The following USH2A variants were observed in gnomAD, a reference collection of about 807,000 sequenced individuals.
USH2A encodes the protein Usher syndrome 2A (autosomal recessive, mild).
Under a neutral mutation model 538.9 loss-of-function variants are expected in USH2A, and 443 were observed. The ratio of observed to expected loss-of-function variants is 0.82; its 90% confidence interval spans 0.76 to 0.89. The LOEUF is 0.89. Ranked by LOEUF, USH2A falls within the 40% of genes least tolerant of loss-of-function variation. The probability of loss-of-function intolerance (pLI) is 0.00; values close to 1 mark genes in which losing one functional copy is unlikely to be tolerated. For synonymous variants in USH2A, 2,413 were observed against 2,273.5 expected (o/e 1.06, Z -1.75); for missense variants, 6,633 against 6,324.8 (o/e 1.05, Z -1.65).
chr1:216,233,044 C>T (rs2035732801), intron 13 of USH2A, among the ~76,000 whole-genome samples: 1 of 152,156 alleles, frequency 6.6e-6, no homozygotes, highest in South Asian at 2.1e-4. Context: ...CCAATCTATT[C>T]TTCGTAGCAG....
At chr1:216,403,073 A>G (rs1227986030) in intron 3 of USH2A, among the ~76,000 whole-genome samples, 1 of 152,204 alleles carries the variant, frequency 6.6e-6, no homozygotes, top group Non-Finnish European at 1.5e-5. Context: ...TACATATACT[A>G]TAATTGTATA....
chr1:215,703,615 G>A (rs1466200736), intron 61 of USH2A, among the ~76,000 whole-genome samples: 2 of 152,170 alleles, frequency 1.3e-5, no homozygotes, highest in Non-Finnish European at 2.9e-5. Flanking sequence ...CACACTGTGA[G>A]GGGAAAACCA....
At chr1:215,959,083 C>T (rs929885318) in intron 37 of USH2A, among the ~76,000 whole-genome samples, 19 of 152,108 alleles carry the variant, frequency 1.2e-4, no homozygotes, top group Non-Finnish European at 2.5e-4. Flanking sequence ...CTCCAAATTA[C>T]TCTGCTCTTG....
chr1:216,234,372 T>A (rs1198293189), intron 13 of USH2A, among the ~76,000 whole-genome samples: 1 of 152,168 alleles, frequency 6.6e-6, no homozygotes, highest in Non-Finnish European at 1.5e-5. Context: ...ATTTTTATCA[T>A]AATTTACAGC....
intron 3 of USH2A, among the ~76,000 whole-genome samples, chr1:216,376,395 G>A (rs1034562678): frequency 2.0e-5 from 3 of 151,930 alleles, no homozygotes; most frequent in Non-Finnish European, 2.9e-5. Context: ...TAGTGAATAA[G>A]TTGTGGGAAA....
chr1:215,757,390 T>C (rs1199308076), intron 58 of USH2A, among the ~76,000 whole-genome samples: 3 of 152,196 alleles, frequency 2.0e-5, no homozygotes, highest in Non-Finnish European at 2.9e-5. Context: ...TATACAATAG[T>C]ACCTGTTTTG....
intron 38 of USH2A, among the ~76,000 whole-genome samples, chr1:215,920,532 C>T (rs927972178): frequency 2.0e-5 from 3 of 152,024 alleles, no homozygotes; most frequent in African/African-American, 7.2e-5. Context: ...GCCAGCTAAT[C>T]TCAGTGCACA....
intron 64 of USH2A, among the ~76,000 whole-genome samples, chr1:215,666,028 G>T (rs1048416786): frequency 2.0e-5 from 3 of 152,214 alleles, no homozygotes; most frequent in Non-Finnish European, 4.4e-5. Context: ...ACCCATTCTT[G>T]TGGAAAACAA....
At chr1:216,180,169 T>C (rs1233486996) in intron 20 of USH2A, among the ~76,000 whole-genome samples, 1 of 152,122 alleles carries the variant, frequency 6.6e-6, no homozygotes, top group Non-Finnish European at 1.5e-5. Flanking sequence ...ACAATTCATC[T>C]ATATTCAAAA....
At position 215,796,417 on chromosome 1, in the gene USH2A, A is replaced by G. The variant is rs867280858; in HGVS notation, c.9958+2490T>C. 1.4e-4 allele frequency among the ~76,000 whole-genome samples: 21 copies of G among 151,390 alleles called. No homozygotes were observed. In the Middle Eastern group the frequency reaches 0.014, roughly 100 times the overall value. ...TTTTCATTATTATTATATTTGTTAT[A>G]TTTTTATATTTTTAATTTTTATATT... On this transcript the variant is annotated intron_variant, in intron 50 of 71. Coordinates refer to ENST00000307340, the MANE Select transcript of USH2A (RefSeq NM_206933.4).
At position 216,422,446 on chromosome 1, in the gene USH2A, T is replaced by C; in HGVS notation, c.-110A>G. On this transcript the variant is annotated 5_prime_UTR_variant, in exon 2 of 72. Coordinates refer to ENST00000307340, the MANE Select transcript of USH2A (RefSeq NM_206933.4). ...CAGGGTACTTTAAGTGATGTTGCGA[T>C]ACTCCATTTTCTGGAAACTGCAGAC... is the stretch of plus-strand genomic sequence containing the variant. 4.0e-6 allele frequency: 6 copies of C among 1,510,342 alleles called. No homozygotes were observed. The highest frequency in any genetic ancestry group is 5.4e-6 in the Non-Finnish European group (6 of 1,106,200). 93.6% of individuals were successfully genotyped at this position (1,510,342 alleles called of 1,614,324 possible).
intron 61 of USH2A, among the ~76,000 whole-genome samples, chr1:215,718,245 G>A (rs1052681043): frequency 6.6e-6 from 1 of 152,182 alleles, no homozygotes; most frequent in Non-Finnish European, 1.5e-5. Flanking sequence ...GGATTAAAAA[G>A]CAAATGTCTC....
At chr1:216,316,196 T>TA (rs1000877093) in intron 9 of USH2A, among the ~76,000 whole-genome samples, 6 of 151,266 alleles carry the variant, frequency 4.0e-5, no homozygotes, top group South Asian at 2.1e-4. Flanking sequence ...AAAATGTAAT[T>TA]AAAAAAAAAG....
chr1:216,048,863 T>G, intron 30 of USH2A, among the ~76,000 whole-genome samples: 1 of 152,202 alleles, frequency 6.6e-6, no homozygotes, highest in Non-Finnish European at 1.5e-5. Context: ...TGAGACCAAC[T>G]TATTGTTAAA....
At chr1:216,102,741 A>G (rs1169897569) in intron 21 of USH2A, among the ~76,000 whole-genome samples, 1 of 152,196 alleles carries the variant, frequency 6.6e-6, no homozygotes, top group Non-Finnish European at 1.5e-5. Flanking sequence ...CGGAGCTTGC[A>G]GTGAGTGGAG....
chr1:215,877,683 C>A (rs1483403525), intron 43 of USH2A, 75 bp downstream of exon 43: 1 of 1,601,760 alleles, frequency 6.2e-7, no homozygotes, highest in African/African-American at 1.3e-5. Context: ...AATGAAGACA[C>A]TGAGATACTT....
At chr1:216,152,448 C>G (rs1012684460) in intron 21 of USH2A, among the ~76,000 whole-genome samples, 36 of 151,074 alleles carry the variant, frequency 2.4e-4, no homozygotes, top group Middle Eastern at 3.4e-3. Context: ...CCACTGAGCA[C>G]CTTGCGACCC....
intron 21 of USH2A, among the ~76,000 whole-genome samples, chr1:216,114,143 AATTGAT>A (rs2032944677): frequency 1.3e-5 from 2 of 151,872 alleles, no homozygotes; most frequent in Admixed American, 6.6e-5. Context: ...TTATATATTT[AATTGAT>A]ATTAAGAATC....
Position 215,888,481 on chromosome 1 carries a change from C to G in USH2A, c.8168G>C (p.Arg2723Pro), listed in dbSNP as rs267598376. The change falls in exon 41 of 72, where the codon CGA becomes CCA. Residue 2723 changes from arginine (R) to proline (P), a missense_variant. Physicochemically the swap from Arg to Pro is moderately radical, Grantham distance 103 (BLOSUM62 -2). Coordinates refer to ENST00000307340, the MANE Select transcript of USH2A (RefSeq NM_206933.4). ...AWVEVTTRPS[R>P]PAGVQPPVVT... ...CACAGGTGGCTGCACCCCAGCAGGT[C>G]GTGAGGGTCTTGTGGTAACTTCTAC... 6.2e-7 allele frequency: 1 copy of G among 1,613,938 alleles called. No homozygotes were observed. The highest frequency in any genetic ancestry group is 8.5e-7 in the Non-Finnish European group (1 of 1,180,014).
Sources: allele counts gnomAD v4.1 joint callset (sites outside exome capture counted in the v4.1 genomes callset), GRCh38; gene constraint gnomAD v4.1.1; transcripts MANE v1.5; gene names NCBI Gene and HGNC (gene_info 2026-07-23, HGNC 2026-07-21).